The following FRMD4A variants were observed in gnomAD, a reference collection of about 807,000 sequenced individuals.
FRMD4A encodes FERM domain-containing protein 4A.
A neutral mutation model predicts 129.1 loss-of-function variants in FRMD4A; 29 were observed. The observed-to-expected ratio is 0.22, with a 90% confidence interval of 0.17 to 0.31. The LOEUF (loss-of-function observed/expected upper bound fraction) is 0.31, where lower values mean the gene tolerates loss of function less well. Among genes scored for constraint, FRMD4A ranks in the 10% least tolerant of loss-of-function variants. The probability of loss-of-function intolerance (pLI) is 1.00; values close to 1 mark genes in which losing one functional copy is unlikely to be tolerated. For missense variants in FRMD4A, 1,272 were observed against 1,375.8 expected, an observed-to-expected ratio of 0.92 and a Z score of 1.19; for synonymous variants, 634 against 571.6, an observed-to-expected ratio of 1.11 and a Z score of -1.56.
intron 2 of FRMD4A, among the ~76,000 whole-genome samples, chr10:14,030,091 G>A (rs577309959): frequency 6.6e-6 from 1 of 152,306 alleles, no homozygotes; most frequent in East Asian, 1.9e-4. Context: ...GTGGTTTCCA[G>A]GAGCTGGAGG....
intron 3 of FRMD4A, among the ~76,000 whole-genome samples, chr10:13,852,322 C>G (rs2094150874): frequency 6.6e-6 from 1 of 151,886 alleles, no homozygotes; most frequent in Admixed American, 6.6e-5. Context: ...CGACTCACTG[C>G]AACTTCCACC....
At chr10:13,720,666 T>A (rs11258555) in intron 12 of FRMD4A, among the ~76,000 whole-genome samples, 1 of 152,094 alleles carries the variant, frequency 6.6e-6, no homozygotes, top group South Asian at 2.1e-4. Flanking sequence ...CAGGGAAGGA[T>A]AGGACAGGGT....
chr10:13,661,632 C>T (rs2082647517), intron 19 of FRMD4A, among the ~76,000 whole-genome samples: 1 of 152,162 alleles, frequency 6.6e-6, no homozygotes, highest in Non-Finnish European at 1.5e-5. Flanking sequence ...TGTTTTAGAA[C>T]TATTCACCTG....
At chr10:14,253,290 T>C (rs1589230821) in intron 2 of FRMD4A, among the ~76,000 whole-genome samples, 2 of 152,316 alleles carry the variant, frequency 1.3e-5, no homozygotes, top group South Asian at 2.1e-4. Context: ...AACTCCAAGA[T>C]AAATAGTGAA....
At chr10:14,071,065 C>A (rs1835295002) in intron 2 of FRMD4A, among the ~76,000 whole-genome samples, 1 of 152,322 alleles carries the variant, frequency 6.6e-6, no homozygotes, top group African/African-American at 2.4e-5. Flanking sequence ...GGCAAACGCC[C>A]CTTACCAGGG....
At chr10:13,854,609 T>C (rs1263557228) in intron 3 of FRMD4A, among the ~76,000 whole-genome samples, 4 of 151,578 alleles carry the variant, frequency 2.6e-5, no homozygotes, top group African/African-American at 7.3e-5. Context: ...TTTTTGTATT[T>C]TTAGTAGAGG....
At chr10:13,681,566 A>G (rs1294747857) in intron 15 of FRMD4A, among the ~76,000 whole-genome samples, 1 of 151,784 alleles carries the variant, frequency 6.6e-6, no homozygotes, top group African/African-American at 2.4e-5. Context: ...ATGTATGTAT[A>G]TATGTATATG....
At position 13,967,075 on chromosome 10, in the gene FRMD4A, C is replaced by A. The variant is rs1040135718; in HGVS notation, c.46-108163G>T. 1.3e-4 allele frequency among the ~76,000 whole-genome samples: 20 copies of A among 152,330 alleles called. No individual in the cohort carries two copies. The East Asian group carries it at 2.3e-3, about 18-fold the overall frequency. ...ACAACGGGCCGGGCGCGGTGGCTCA[C>A]GCCTGTAATCCCAGCACTTCGGAGG... On this transcript the variant is annotated intron_variant, in intron 2 of 24. Coordinates refer to ENST00000357447, the MANE Select transcript of FRMD4A (RefSeq NM_018027.5).
At chr10:14,281,951 T>A (rs1845532853) in intron 2 of FRMD4A, among the ~76,000 whole-genome samples, 1 of 152,198 alleles carries the variant, frequency 6.6e-6, no homozygotes, top group African/African-American at 2.4e-5. Context: ...ATTGGGTGAT[T>A]TATAAAGAAA....
At chr10:14,056,252 G>GT (rs1834524789) in intron 2 of FRMD4A, among the ~76,000 whole-genome samples, 1 of 151,884 alleles carries the variant, frequency 6.6e-6, no homozygotes, top group Non-Finnish European at 1.5e-5. Context: ...GGCTGGTCTT[G>GT]AACTCCTGAC....
At chr10:14,240,694 C>T (rs1844010614) in intron 2 of FRMD4A, among the ~76,000 whole-genome samples, 1 of 152,186 alleles carries the variant, frequency 6.6e-6, no homozygotes, top group African/African-American at 2.4e-5. Context: ...CATTCGGAAG[C>T]TATTGCACCT....
At chr10:13,909,311 G>A (rs2094915969) in intron 2 of FRMD4A, among the ~76,000 whole-genome samples, 1 of 152,228 alleles carries the variant, frequency 6.6e-6, no homozygotes, top group South Asian at 2.1e-4. Flanking sequence ...ACATTTGGAA[G>A]TAAAATTGCT....
chr10:14,063,437 T>A (rs1360306869), intron 2 of FRMD4A, among the ~76,000 whole-genome samples: 1 of 152,186 alleles, frequency 6.6e-6, no homozygotes, highest in Non-Finnish European at 1.5e-5. Flanking sequence ...TAAGATGAAT[T>A]TTATTATCTC....
Position 13,663,451 on chromosome 10 carries a change from A to T in FRMD4A, c.1660+2T>A. 6.8e-7 allele frequency: 1 copy of T among 1,460,080 alleles called. No individual in the cohort carries two copies. Among genetic ancestry groups the T allele is most frequent in the Non-Finnish European group, 9.6e-7 (1 of 1,039,042 alleles). The allele number at this position is 1,460,080 out of a possible 1,614,324, so 90.4% of individuals were successfully genotyped here. A position where few individuals can be genotyped will look rare whatever the true frequency, so the allele number is the denominator to read the frequency against. On this transcript the variant is annotated splice_donor_variant, in intron 19 of 24. Transcript: ENST00000357447. LOFTEE classifies it high-confidence loss of function. ...TTGTAAGCAGGAAATGCATAAACCT[A>T]CCATCCTCAAGAACAAGGGCATCTG...
At chr10:14,324,034 G>A (rs542440174) in intron 2 of FRMD4A, among the ~76,000 whole-genome samples, 1 of 152,184 alleles carries the variant, frequency 6.6e-6, no homozygotes, top group African/African-American at 2.4e-5. Flanking sequence ...AGCTTCTCCT[G>A]GAGCTCTTTT....
intron 15 of FRMD4A, among the ~76,000 whole-genome samples, chr10:13,689,567 T>TA (rs2085474854): frequency 6.8e-6 from 1 of 147,830 alleles, no homozygotes; most frequent in African/African-American, 2.5e-5. Context: ...TTTTTTTTTT[T>TA]AAGAGACAGG....
intron 2 of FRMD4A, among the ~76,000 whole-genome samples, chr10:13,944,802 C>T (rs765528618): frequency 1.3e-5 from 2 of 152,220 alleles, no homozygotes; most frequent in Admixed American, 6.5e-5. Flanking sequence ...TCTAATGATA[C>T]GTGCCTTCTC....
intron 22 of FRMD4A, 36 bp from the exon 23 acceptor site, chr10:13,654,548 A>G: frequency 1.5e-6 from 2 of 1,372,264 alleles, no homozygotes; most frequent in Non-Finnish European, 2.1e-6. Context: ...CAGAGAGCAG[A>G]CAGGGATCAG....
intron 6 of FRMD4A, among the ~76,000 whole-genome samples, chr10:13,769,559 C>T (rs1291764200): frequency 6.6e-6 from 1 of 152,140 alleles, no homozygotes; most frequent in East Asian, 1.9e-4. Context: ...ATCCACCCAC[C>T]TCGGCCTCCC....
Sources: gnomAD v4.1 joint callset for allele counts (sites outside exome capture counted in the v4.1 genomes callset) on GRCh38, gnomAD v4.1.1 for gene constraint, MANE v1.5 for transcripts, NCBI Gene and HGNC (gene_info 2026-07-23, HGNC 2026-07-21) for gene names.